ATAD5: variants seen among roughly 807,000 people sequenced by gnomAD.
ATAD5 encodes the protein ATPase family AAA domain containing 5.
Under a neutral mutation model 176.9 loss-of-function variants are expected in ATAD5, and 58 were observed. That is an observed-to-expected ratio of 0.33 (90% confidence interval 0.27 to 0.41). The LOEUF (loss-of-function observed/expected upper bound fraction) is 0.41, where lower values mean the gene tolerates loss of function less well. ATAD5 is among the 10% of genes least tolerant of loss of function. The probability of loss-of-function intolerance (pLI) is 1.00; values close to 1 mark genes in which losing one functional copy is unlikely to be tolerated. For missense variants in ATAD5, 1,789 were observed against 2,094.1 expected (o/e 0.85, Z 2.84); for synonymous variants, 640 against 712.6 (o/e 0.90, Z 1.62).
chr17:30,847,496 A>G (rs1156230188), intron 6 of ATAD5, among the ~76,000 whole-genome samples: 1 of 151,290 alleles, frequency 6.6e-6, no homozygotes, highest in African/African-American at 2.4e-5. Context: ...ACGCCTGGCT[A>G]ATTTTTTGTA....
chr17:30,893,249 A>G (rs753423180), intron 20 of ATAD5, 45 bp from the exon 21 acceptor site: 156 of 1,516,712 alleles, frequency 1.0e-4, no homozygotes, highest in Non-Finnish European at 1.3e-4. Context: ...AAGTATTCAA[A>G]CTATGTACTG....
At chr17:30,870,015 G>A (rs1192588704) in intron 14 of ATAD5, among the ~76,000 whole-genome samples, 1 of 152,062 alleles carries the variant, frequency 6.6e-6, no homozygotes, top group Non-Finnish European at 1.5e-5. Flanking sequence ...TCTGGAAGTT[G>A]ATGTGGGAGG....
chr17:30,868,541 T>C, intron 12 of ATAD5, 129 bp downstream of exon 12: 3 of 597,314 alleles, frequency 5.0e-6, no homozygotes, highest in East Asian at 3.8e-5. Context: ...AGAGTCTTGC[T>C]CTGTTTCCCA....
chr17:30,872,445 G>T (rs141566722), intron 14 of ATAD5, among the ~76,000 whole-genome samples: 1 of 151,752 alleles, frequency 6.6e-6, no homozygotes, highest in East Asian at 1.9e-4. Flanking sequence ...ACTTGAGAGG[G>T]ACTCTGCAAA....
At chr17:30,866,874 C>T (rs568633133) in intron 11 of ATAD5, among the ~76,000 whole-genome samples, 16 of 152,020 alleles carry the variant, frequency 1.1e-4, no homozygotes, top group Admixed American at 2.0e-4. Context: ...ACTGCCTAGA[C>T]CCCATTAGGG....
intron 19 of ATAD5, among the ~76,000 whole-genome samples, chr17:30,891,302 C>T (rs1200926942): frequency 6.6e-6 from 1 of 152,112 alleles, no homozygotes; most frequent in African/African-American, 2.4e-5. Flanking sequence ...GAAACATGTA[C>T]AGTATCTTAT....
In ATAD5 at chr17:30,832,221, A is replaced by G. The variant is rs751907970; in HGVS notation, c.-127A>G. ...GCTCTCTGTCGGTGGGCGCGGGGGA[A>G]TCCGAAACGGCTCAGCAGAATCCCA... On this transcript the variant is annotated 5_prime_UTR_variant, in exon 1 of 23. Transcript: ENST00000321990. 1.4e-6 allele frequency: 1 copy of G among 733,864 alleles called. No individual in the cohort carries two copies. Among genetic ancestry groups the G allele is most frequent in the Non-Finnish European group, 2.0e-6 (1 of 500,350 alleles). The allele number at this position is 733,864 out of a possible 1,614,324, so 45.5% of individuals were successfully genotyped here. A position where few individuals can be genotyped will look rare whatever the true frequency, so the allele number is the denominator to read the frequency against.
chr17:30,878,479 A>T (rs1199980534), intron 17 of ATAD5, among the ~76,000 whole-genome samples: 1 of 152,106 alleles, frequency 6.6e-6, no homozygotes, highest in Non-Finnish European at 1.5e-5. Context: ...TTGTATATTT[A>T]GCTATCATCA....
Position 30,834,691 on chromosome 17 carries a change from A to C in ATAD5, c.610A>C (p.Lys204Gln). ...AGGGACCACAAAAAATGACTTCAAAAAGTTGAGAAAAAGGAAATGCAGAGA... is the reference window on the plus strand; with the variant it reads ...AGGGACCACAAAAAATGACTTCAAACAGTTGAGAAAAAGGAAATGCAGAGA... Reference protein sequence around the residue: ...KQGTTKNDFKKLRKRKCRDVV... With the variant: ...KQGTTKNDFKQLRKRKCRDVV... The change falls in exon 2 of 23, where the codon AAG becomes CAG. Residue 204 changes from lysine (K) to glutamine (Q), a missense_variant. Lys to Gln is a moderately conservative substitution (Grantham distance 53, BLOSUM62 1). Transcript: ENST00000321990. 6.2e-7 allele frequency: 1 copy of C among 1,609,852 alleles called. No homozygotes were observed. Among genetic ancestry groups the C allele is most frequent in the Non-Finnish European group, 8.5e-7 (1 of 1,179,028 alleles).
chr17:30,883,217 T>A (rs1395586190), intron 18 of ATAD5, among the ~76,000 whole-genome samples: 1 of 151,020 alleles, frequency 6.6e-6, no homozygotes, highest in Non-Finnish European at 1.5e-5. Context: ...CTCTACCTCC[T>A]GGGCTCAAGC....
intron 4 of ATAD5, 130 bp from the exon 5 acceptor site, chr17:30,843,783 A>G: frequency 4.3e-6 from 2 of 465,126 alleles, no homozygotes; most frequent in Non-Finnish European, 7.3e-6. Flanking sequence ...TCAATGAGAT[A>G]ATATCTGATG....
intron 16 of ATAD5, 103 bp downstream of exon 16, chr17:30,877,652 T>A: frequency 1.7e-6 from 2 of 1,200,582 alleles, no homozygotes; most frequent in Non-Finnish European, 2.4e-6. Flanking sequence ...GCTAAGGAGG[T>A]CAGGAATACG....
At chr17:30,852,707 C>T (rs1907043378) in intron 6 of ATAD5, among the ~76,000 whole-genome samples, 2 of 151,816 alleles carry the variant, frequency 1.3e-5, no homozygotes, top group East Asian at 1.9e-4. Flanking sequence ...TGTCACATGG[C>T]GAGAGAAGTG....
chr17:30,835,160 A>G lies in ATAD5; in HGVS notation c.1079A>G (p.Asn360Ser). The G allele has an allele frequency of 6.2e-7, 1 of 1,614,132 alleles. No individual in the cohort carries two copies. Among genetic ancestry groups the G allele is most frequent in the East Asian group, 2.2e-5 (1 of 44,878 alleles). ...GAAAATAGTTTATCTGATCCTGAGAATGAACAGACAGTTCAGAAAAGAAAA... is the reference window on the plus strand; with the variant it reads ...GAAAATAGTTTATCTGATCCTGAGAGTGAACAGACAGTTCAGAAAAGAAAA... ...EMENSLSDPE[N>S]EQTVQKRKSN... is the part of the protein sequence containing the mutation. Residue 360 changes from asparagine to serine, a missense_variant, in exon 2 of 23, where the codon AAT becomes AGT. Physicochemically the swap from Asn to Ser is conservative, Grantham distance 46 (BLOSUM62 1). Around this residue, in one of 6 missense-constraint regions of ATAD5, gnomAD observed 696 missense variants for 712.5 expected, o/e 0.98. Coordinates refer to ENST00000321990, the MANE Select transcript of ATAD5 (RefSeq NM_024857.5).
Position 30,840,593 on chromosome 17 carries a change from T to C in ATAD5, c.2077-24T>C, listed in dbSNP as rs760362580. The C allele has an allele frequency of 9.1e-6, 13 of 1,421,000 alleles. 1 individual carries two copies. In the South Asian group the frequency reaches 1.9e-4, roughly 21 times the overall value. 88.0% of individuals were successfully genotyped at this position (1,421,000 alleles called of 1,614,324 possible). ...ATAAAATATTTTCTTGTGATGTAAA[T>C]TAATGTTTCAATTTTTTGTTTAGGC... On this transcript the variant is annotated intron_variant, in intron 3 of 22. Coordinates refer to ENST00000321990, the MANE Select transcript of ATAD5 (RefSeq NM_024857.5).
intron 17 of ATAD5, 24 bp from the exon 18 acceptor site, chr17:30,879,399 T>TG: frequency 6.3e-7 from 1 of 1,594,950 alleles, no homozygotes. Context: ...AATTTTTTTT[T>TG]TTTGTGTGTG....
At chr17:30,857,150 C>T in intron 8 of ATAD5, 38 bp downstream of exon 8, 3 of 1,563,926 alleles carry the variant, frequency 1.9e-6, no homozygotes, top group South Asian at 1.2e-5. Context: ...AGAGTGTTTC[C>T]CTTACATCTT....
intron 12 of ATAD5, among the ~76,000 whole-genome samples, 182 bp downstream of exon 12, chr17:30,868,594 G>A (rs1223064713): frequency 6.9e-6 from 1 of 144,848 alleles, no homozygotes; most frequent in Non-Finnish European, 1.5e-5. Flanking sequence ...TGCTACCTCC[G>A]CCTCCCGGGT....
chr17:30,884,054 C>G (rs1165992158), intron 18 of ATAD5, among the ~76,000 whole-genome samples: 2 of 152,118 alleles, frequency 1.3e-5, no homozygotes, highest in Non-Finnish European at 2.9e-5. Flanking sequence ...ATGAAACTCC[C>G]TGTTTCCTCC....
Sources: allele counts gnomAD v4.1 joint callset (sites outside exome capture counted in the v4.1 genomes callset), GRCh38; gene constraint gnomAD v4.1.1; regional missense constraint gnomAD v4.1.1; transcripts MANE v1.5; gene names NCBI Gene and HGNC (gene_info 2026-07-23, HGNC 2026-07-21).